Variants in CAPN8 observed in about 807,000 individuals in gnomAD.
CAPN8 encodes calpain-8.
CAPN8 carries 87 observed loss-of-function variants against 80.9 expected under a neutral mutation model. The observed-to-expected ratio is 1.07, with a 90% CI of 0.90 to 1.28. The LOEUF is 1.28. CAPN8 is among the 50% of genes most tolerant of loss of function. The pLI is 0.00. For missense variants in CAPN8, 757 were observed against 702.0 expected (o/e 1.08, Z -0.89); for synonymous variants, 299 against 273.8 (o/e 1.09, Z -0.91).
intron 2 of CAPN8, among the ~76,000 whole-genome samples, chr1:223,633,817 A>G (rs527357760): frequency 3.7e-4 from 56 of 152,324 alleles, no homozygotes; most frequent in African/African-American, 1.3e-3. Flanking sequence ...TGTAGGTAGC[A>G]AGAACTCGAG....
At chr1:223,632,351 T>C (rs1428176726) in intron 2 of CAPN8, among the ~76,000 whole-genome samples, 3 of 149,950 alleles carry the variant, frequency 2.0e-5, no homozygotes, top group Non-Finnish European at 3.0e-5. Flanking sequence ...AAAAACAGCT[T>C]TGATCTTGGA....
intron 8 of CAPN8, 57 bp from the exon 9 acceptor site, chr1:223,619,510 C>T: frequency 1.3e-6 from 2 of 1,538,320 alleles, no homozygotes; most frequent in East Asian, 2.5e-5. Flanking sequence ...TGATTAAAGG[C>T]ACGCATACTG....
intron 2 of CAPN8, among the ~76,000 whole-genome samples, chr1:223,651,975 G>C (rs985920877): frequency 1.1e-4 from 17 of 152,372 alleles, no homozygotes; most frequent in Admixed American, 3.3e-4. Flanking sequence ...GAGCAACGGA[G>C]TCAGTGGCGT....
At position 223,627,015 on chromosome 1, in the gene CAPN8, C is replaced by T; in HGVS notation, c.703G>A (p.Gly235Arg). ...YQIIRKALCA[G>R]SLLGCSIDVS... ...TCAATGGAGCAGCCCAGCAGAGACC[C>T]CGCACAGAGGGCCTTCCGGATGATC... Residue 235 changes from glycine to arginine, a missense_variant, in exon 5 of 21, where the codon GGG becomes AGG. Gly to Arg is a moderately radical substitution (Grantham distance 125). Transcript: ENST00000366872. The T allele has an allele frequency of 1.3e-6, 2 of 1,551,848 alleles. No homozygotes were observed. Among genetic ancestry groups the T allele is most frequent in the Admixed American group, 3.9e-5 (2 of 51,004 alleles).
At chr1:223,555,633 T>C (rs1230834373) in intron 13 of CAPN8, among the ~76,000 whole-genome samples, 1 of 152,170 alleles carries the variant, frequency 6.6e-6, no homozygotes, top group Non-Finnish European at 1.5e-5. Flanking sequence ...ATATTCTCCA[T>C]GTCTGGAAAA....
At chr1:223,643,463 A>G (rs1448974981) in intron 2 of CAPN8, among the ~76,000 whole-genome samples, 2 of 152,250 alleles carry the variant, frequency 1.3e-5, no homozygotes. Flanking sequence ...TAAAATGCCA[A>G]GGAACCCAGT....
Position 223,665,425 on chromosome 1 carries a change from G to A in CAPN8, c.222C>T (p.Ile74=), listed in dbSNP as rs1415767148. Reference sequence around the variant, plus strand: ...GCTTCCTTACCGTGGGCCGCTTCCAGATGATGCCTTGAGTTTGCGGAGAGC... The same window carrying A: ...GCTTCCTTACCGTGGGCCGCTTCCAAATGATGCCTTGAGTTTGCGGAGAGC... ...GPGSPQTQGI[I]WKRPTELCPS... is the part of the protein sequence containing the mutation. Residue 74 remains isoleucine (I), a synonymous_variant, in exon 1 of 21, where the codon ATC becomes ATT. Coordinates refer to ENST00000366872, the MANE Select transcript of CAPN8 (RefSeq NM_001143962.2). 2 of 1,551,402 alleles carry A rather than the reference G, an allele frequency of 1.3e-6. No homozygotes were observed. The highest frequency in any genetic ancestry group is 1.7e-6 in the Non-Finnish European group (2 of 1,146,512).
At chr1:223,611,936 A>C (rs1180874433) in intron 11 of CAPN8, among the ~76,000 whole-genome samples, 1 of 152,228 alleles carries the variant, frequency 6.6e-6, no homozygotes, top group African/African-American at 2.4e-5. Flanking sequence ...AGCTAGAGGA[A>C]GCCCAGATAG....
chr1:223,618,374 T>G lies in CAPN8; in HGVS notation c.1135+919A>C, dbSNP rs977012382. On this transcript the variant is annotated intron_variant, in intron 9 of 20. Transcript: ENST00000366872. ...CCCAGGGTTAGTGCGGAGGCCATGC[T>G]TTGCACCATACTATCTCCACCAGGG... 39 of 1,501,436 alleles carry G rather than the reference T, an allele frequency of 2.6e-5. No homozygotes were observed. In the African/African-American group the frequency reaches 4.4e-4, roughly 17 times the overall value. 93.0% of individuals were successfully genotyped at this position (1,501,436 alleles called of 1,614,324 possible). A position where few individuals can be genotyped will look rare whatever the true frequency, so the allele number is the denominator to read the frequency against.
chr1:223,648,590 C>T (rs756321089), intron 2 of CAPN8, among the ~76,000 whole-genome samples: 6 of 152,146 alleles, frequency 3.9e-5, no homozygotes, highest in Non-Finnish European at 7.3e-5. Flanking sequence ...CATGGGGGAG[C>T]GTGGACTCAC....
At chr1:223,648,436 T>A (rs1658251247) in intron 2 of CAPN8, among the ~76,000 whole-genome samples, 1 of 152,244 alleles carries the variant, frequency 6.6e-6, no homozygotes, top group Non-Finnish European at 1.5e-5. Flanking sequence ...CCTAGTGAAT[T>A]GATTTACTTT....
At chr1:223,622,665 A>G (rs1657435085) in intron 7 of CAPN8, 150 bp downstream of exon 7, 2 of 665,692 alleles carry the variant, frequency 3.0e-6, no homozygotes, top group Non-Finnish European at 5.3e-6. Flanking sequence ...GCCTGGATCC[A>G]TTTAATACTC....
At chr1:223,544,293 A>G in intron 18 of CAPN8, 110 bp from the exon 19 acceptor site, 3 of 649,516 alleles carry the variant, frequency 4.6e-6, no homozygotes, top group South Asian at 3.5e-5. Flanking sequence ...TTCTGTATCA[A>G]TCTGCAAACC....
At chr1:223,626,139 C>G (rs1425922636) in intron 5 of CAPN8, among the ~76,000 whole-genome samples, 1 of 152,172 alleles carries the variant, frequency 6.6e-6, no homozygotes, top group Admixed American at 6.5e-5. Context: ...CAAAATGCCA[C>G]CAAGAAACTG....
chr1:223,631,716 G>C (rs1323212672), intron 2 of CAPN8, among the ~76,000 whole-genome samples: 4 of 152,218 alleles, frequency 2.6e-5, no homozygotes. Flanking sequence ...CTGTGGGGAA[G>C]TGGCATTCAA....
intron 5 of CAPN8, among the ~76,000 whole-genome samples, chr1:223,626,464 C>T (rs1256416925): frequency 1.3e-5 from 2 of 152,154 alleles, no homozygotes; most frequent in Non-Finnish European, 1.5e-5. Flanking sequence ...CACAGGAGCC[C>T]GAGGTGGTGA....
chr1:223,620,191 C>G lies in CAPN8; in HGVS notation c.974+1G>C. 1 of 1,551,616 alleles carries G rather than the reference C, an allele frequency of 6.4e-7. No homozygotes were observed. The highest frequency in any genetic ancestry group is 8.7e-7 in the Non-Finnish European group (1 of 1,146,932). ...AGCGCTTCAGCAGAAAACTCTCTCA[C>G]CAGAATTCTCCATCCTCAACTTTCT... On this transcript the variant is annotated splice_donor_variant, in intron 8 of 20. Transcript: ENST00000366872. LOFTEE classifies it high-confidence loss of function.
intron 6 of CAPN8, among the ~76,000 whole-genome samples, chr1:223,624,005 A>G (rs892143290): frequency 6.6e-6 from 1 of 151,790 alleles, no homozygotes; most frequent in Non-Finnish European, 1.5e-5. Flanking sequence ...CCTGAAAAAA[A>G]AAAAAAAGAA....
rs1163882989 is a variant in CAPN8 at position 223,616,006 on chromosome 1, T to C, written c.1275A>G (p.Gly425=). Residue 425 remains glycine (G), a synonymous_variant, in exon 10 of 21, where the codon GGA becomes GGG. Coordinates refer to ENST00000366872, the MANE Select transcript of CAPN8 (RefSeq NM_001143962.2). ...QKNRRWRKRI[G]QGMLSIGYAV... ...CATAGCCGATGCTAAGCATGCCTTGTCCTATCCGCTTCCGCCACCTGCGAT... is the reference window on the plus strand; with the variant it reads ...CATAGCCGATGCTAAGCATGCCTTGCCCTATCCGCTTCCGCCACCTGCGAT... 7.7e-6 allele frequency: 12 copies of C among 1,552,168 alleles called. No individual in the cohort carries two copies. Among genetic ancestry groups the C allele is most frequent in the Non-Finnish European group, 1.0e-5 (12 of 1,147,130 alleles).
Sources: gnomAD v4.1 joint callset for allele counts (sites outside exome capture counted in the v4.1 genomes callset) on GRCh38, gnomAD v4.1.1 for gene constraint, MANE v1.5 for transcripts, NCBI Gene and HGNC (gene_info 2026-07-23, HGNC 2026-07-21) for gene names.